BMPR1B: variants seen among roughly 807,000 people sequenced by gnomAD.
The protein encoded by BMPR1B is bone morphogenetic protein receptor type 1B.
A neutral mutation model predicts 59.1 loss-of-function variants in BMPR1B; 12 were observed. The ratio of observed to expected loss-of-function variants is 0.20; its 90% CI spans 0.13 to 0.33. The LOEUF (loss-of-function observed/expected upper bound fraction) is 0.33, where lower values mean the gene tolerates loss of function less well. Ranked by LOEUF, BMPR1B falls within the 10% of genes least tolerant of loss-of-function variation. BMPR1B has a pLI of 1.00. For missense variants in BMPR1B, 550 were observed against 610.9 expected (o/e 0.90, Z 1.05); for synonymous variants, 237 against 207.3 (o/e 1.14, Z -1.23).
intron 2 of BMPR1B, among the ~76,000 whole-genome samples, chr4:94,890,109 C>T (rs1435895130): frequency 6.6e-6 from 1 of 152,010 alleles, no homozygotes; most frequent in African/African-American, 2.4e-5. Flanking sequence ...CTTTGCCAAG[C>T]CTACAGTTAA....
intron 4 of BMPR1B, among the ~76,000 whole-genome samples, chr4:95,105,931 T>G (rs571081876): frequency 6.6e-6 from 1 of 151,870 alleles, no homozygotes; most frequent in African/African-American, 2.4e-5. Flanking sequence ...TCTGTGGTAT[T>G]CAGAATACGC....
chr4:94,990,757 A>AT (rs1721689452), intron 2 of BMPR1B, among the ~76,000 whole-genome samples: 1 of 152,174 alleles, frequency 6.6e-6, no homozygotes, highest in African/African-American at 2.4e-5. Flanking sequence ...GGTTAGTTAC[A>AT]TATGTATACA....
intron 6 of BMPR1B, among the ~76,000 whole-genome samples, chr4:95,117,959 A>G (rs530612935): frequency 1.5e-3 from 232 of 152,266 alleles, no homozygotes; most frequent in African/African-American, 5.4e-3. Context: ...GGTAGGAACA[A>G]TGAGAAGACA....
chr4:94,808,977 C>T lies in BMPR1B; in HGVS notation c.-183+50909C>T, dbSNP rs532046229. Reference sequence around the variant, plus strand: ...GGCTGAGGCAGGAGAATTGCTTGTACCTGGGAGCTGGAGGTTGCAATGAGC... The same window carrying T: ...GGCTGAGGCAGGAGAATTGCTTGTATCTGGGAGCTGGAGGTTGCAATGAGC... On this transcript the variant is annotated intron_variant, in intron 1 of 12. Transcript: ENST00000515059. Among the ~76,000 whole-genome samples the T allele has an allele frequency of 2.6e-5, 4 of 152,230 alleles. No homozygotes were observed. The South Asian group carries it at 8.3e-4, about 32-fold the overall frequency.
intron 1 of BMPR1B, among the ~76,000 whole-genome samples, chr4:94,868,918 A>G (rs926461378): frequency 1.3e-5 from 2 of 152,132 alleles, no homozygotes; most frequent in African/African-American, 2.4e-5. Context: ...AGTTTCTTCT[A>G]TGGCACTGCT....
At chr4:95,098,417 A>G (rs1289389204) in intron 3 of BMPR1B, among the ~76,000 whole-genome samples, 1 of 152,190 alleles carries the variant, frequency 6.6e-6, no homozygotes, top group Non-Finnish European at 1.5e-5. Context: ...GTATGACTTG[A>G]TATTAAAGTG....
intron 1 of BMPR1B, among the ~76,000 whole-genome samples, chr4:94,850,040 G>C (rs927486837): frequency 6.6e-6 from 1 of 152,042 alleles, no homozygotes; most frequent in Non-Finnish European, 1.5e-5. Context: ...CCCAGTTCTT[G>C]TTGATGCCAT....
intron 3 of BMPR1B, among the ~76,000 whole-genome samples, chr4:95,074,102 TTTTTTTACTGAAGATACTTGGAAATCCTG>T (rs1728527568): frequency 6.6e-6 from 1 of 152,018 alleles, no homozygotes. Context: ...GTAAGTGTTT[TTTTTTTACTGAAGATACTTGGAAATCCTG>T]TTTTTTTACT....
chr4:94,989,610 T>A (rs1208633277), intron 2 of BMPR1B, among the ~76,000 whole-genome samples: 1 of 152,190 alleles, frequency 6.6e-6, no homozygotes, highest in Non-Finnish European at 1.5e-5. Context: ...TTCTTTGCAA[T>A]TGAATTTTTT....
chr4:94,805,199 T>G (rs1264729007), intron 1 of BMPR1B, among the ~76,000 whole-genome samples: 2 of 152,136 alleles, frequency 1.3e-5, no homozygotes, highest in African/African-American at 2.4e-5. Context: ...GCCAGAGAAG[T>G]TAAATAACAG....
intron 2 of BMPR1B, among the ~76,000 whole-genome samples, chr4:94,879,008 TTTA>T (rs557471036): frequency 5.3e-5 from 8 of 152,130 alleles, no homozygotes; most frequent in Non-Finnish European, 1.2e-4. Flanking sequence ...TTTTTATTTT[TTTA>T]TTATTATACT....
At chr4:95,131,138 G>T (rs1245808159) in intron 9 of BMPR1B, 77 bp from the exon 10 acceptor site, 2 of 1,424,654 alleles carry the variant, frequency 1.4e-6, no homozygotes, top group Non-Finnish European at 1.9e-6. Flanking sequence ...CTATGACAAA[G>T]AATGATGTTT....
At chr4:94,854,028 T>C (rs973864125) in intron 1 of BMPR1B, among the ~76,000 whole-genome samples, 4 of 152,156 alleles carry the variant, frequency 2.6e-5, no homozygotes, top group African/African-American at 9.7e-5. Flanking sequence ...ATTAAACTTA[T>C]TTCCTGTTCA....
At chr4:94,865,917 G>A (rs1726216862) in intron 1 of BMPR1B, among the ~76,000 whole-genome samples, 1 of 152,064 alleles carries the variant, frequency 6.6e-6, no homozygotes. Context: ...ATTTGTGTCA[G>A]GAGTTTTCAG....
chr4:95,116,417 GCGCGCA>G (rs1732047441), intron 6 of BMPR1B, among the ~76,000 whole-genome samples: 1 of 51,348 alleles, frequency 1.9e-5, no homozygotes, highest in African/African-American at 9.8e-5. Context: ...TGCTTTCAGC[GCGCGCA>G]CACACACACA....
At chr4:94,880,689 A>G (rs1726926730) in intron 2 of BMPR1B, among the ~76,000 whole-genome samples, 1 of 136,324 alleles carries the variant, frequency 7.3e-6, no homozygotes, top group Non-Finnish European at 1.5e-5. Context: ...CCCAGGCTGG[A>G]GTGCAGTGAT....
intron 12 of BMPR1B, among the ~76,000 whole-genome samples, chr4:95,152,989 G>A (rs1013115904): frequency 6.6e-6 from 1 of 152,116 alleles, no homozygotes; most frequent in Non-Finnish European, 1.5e-5. Flanking sequence ...AATATATTGA[G>A]TGAGTTGGTC....
At chr4:94,821,899 G>A (rs746217562) in intron 1 of BMPR1B, among the ~76,000 whole-genome samples, 20 of 152,080 alleles carry the variant, frequency 1.3e-4, no homozygotes, top group Admixed American at 3.9e-4. Context: ...CTTTCTCCCC[G>A]GTTAATGAAA....
chr4:95,032,368 C>A (rs1480530637), intron 3 of BMPR1B, among the ~76,000 whole-genome samples: 2 of 152,030 alleles, frequency 1.3e-5, no homozygotes, highest in Admixed American at 6.6e-5. Flanking sequence ...GTGATAGGGT[C>A]CTTACTCTCA....
Sources: gnomAD v4.1 joint callset for allele counts (sites outside exome capture counted in the v4.1 genomes callset) on GRCh38, gnomAD v4.1.1 for gene constraint, MANE v1.5 for transcripts, NCBI Gene and HGNC (gene_info 2026-07-23, HGNC 2026-07-21) for gene names.